The following HTR2C variants were observed in gnomAD, a reference collection of about 807,000 sequenced individuals.
The protein encoded by HTR2C is 5-hydroxytryptamine receptor 2C, also known as 5-hydroxytryptamine (serotonin) receptor 2C, G protein-coupled.
HTR2C carries 5 observed loss-of-function variants against 21.0 expected under a neutral mutation model. The ratio of observed to expected loss-of-function variants is 0.24; its 90% CI spans 0.12 to 0.50. The LOEUF (loss-of-function observed/expected upper bound fraction) is 0.50. HTR2C is among the 20% of genes least tolerant of loss of function. The probability of loss-of-function intolerance (pLI) is 0.98; values close to 1 mark genes in which losing one functional copy is unlikely to be tolerated. For synonymous variants in HTR2C, 150 were observed against 145.3 expected (o/e 1.03, Z -0.23); for missense variants, 271 against 371.2 (o/e 0.73, Z 2.22).
intron 2 of HTR2C, among the ~76,000 whole-genome samples, chrX:114,718,981 T>A (rs1933086854): frequency 3.1e-5 from 1 of 32,442 alleles, no homozygotes; most frequent in African/African-American, 8.0e-5. Flanking sequence ...TTAATATATA[T>A]AATATAATAA....
intron 4 of HTR2C, among the ~76,000 whole-genome samples, chrX:114,773,841 A>G (rs782642809): frequency 1.8e-5 from 2 of 112,091 alleles, no homozygotes; most frequent in African/African-American, 3.2e-5. Context: ...ACAGATATCT[A>G]AATGAAATTA....
intron 2 of HTR2C, among the ~76,000 whole-genome samples, chrX:114,637,279 C>T (rs1379074766): frequency 2.7e-5 from 3 of 111,380 alleles, no homozygotes; most frequent in African/African-American, 9.8e-5. Context: ...TCTGTCTTTT[C>T]AAATATACTG....
chrX:114,819,943 T>C (rs2070616969), intron 4 of HTR2C, among the ~76,000 whole-genome samples: 2 of 111,747 alleles, frequency 1.8e-5, no homozygotes, highest in African/African-American at 6.5e-5. Flanking sequence ...ATGTTTATAA[T>C]CTAATATCTT....
intron 4 of HTR2C, among the ~76,000 whole-genome samples, chrX:114,794,577 C>T (rs1346103747): frequency 1.1e-5 from 1 of 88,899 alleles, no homozygotes; most frequent in African/African-American, 4.3e-5. Context: ...CTTCCTGTGT[C>T]CATGTGTTCT....
chrX:114,905,439 T>C (rs1014133300), intron 5 of HTR2C, among the ~76,000 whole-genome samples: 4 of 111,923 alleles, frequency 3.6e-5, no homozygotes, highest in Non-Finnish European at 5.6e-5. Flanking sequence ...AGACACTCTA[T>C]ACCTGACTAG....
intron 4 of HTR2C, among the ~76,000 whole-genome samples, chrX:114,736,062 G>A (rs958882586): frequency 5.5e-5 from 6 of 109,360 alleles, no homozygotes; most frequent in African/African-American, 1.3e-4. Context: ...GCAGTGAGCC[G>A]AGATCGCGCC....
At chrX:114,840,876 T>C (rs782005727) in intron 4 of HTR2C, among the ~76,000 whole-genome samples, 1 of 111,684 alleles carries the variant, frequency 9.0e-6, no homozygotes, top group African/African-American at 3.3e-5. Context: ...GTCGCCAACC[T>C]AAACAAGAGT....
At chrX:114,587,631 G>A (rs1556390019) in intron 1 of HTR2C, among the ~76,000 whole-genome samples, 1 of 111,800 alleles carries the variant, frequency 8.9e-6, no homozygotes, top group African/African-American at 3.2e-5. Flanking sequence ...TTATTTATTT[G>A]TTAGCATTCT....
intron 2 of HTR2C, among the ~76,000 whole-genome samples, chrX:114,627,824 A>G (rs782516890): frequency 1.2e-4 from 13 of 111,988 alleles, no homozygotes; most frequent in Admixed American, 4.8e-4. Context: ...TTTCTGTTGA[A>G]TAGTTATCTT....
At chrX:114,710,580 G>GA (rs1932877105) in intron 2 of HTR2C, among the ~76,000 whole-genome samples, 2 of 111,620 alleles carry the variant, frequency 1.8e-5, no homozygotes. Context: ...GATTAAATGA[G>GA]AAAAATAGAG....
At chrX:114,701,331 CCT>C (rs1932487730) in intron 2 of HTR2C, among the ~76,000 whole-genome samples, 1 of 111,360 alleles carries the variant, frequency 9.0e-6, no homozygotes, top group East Asian at 2.8e-4. Flanking sequence ...CAGACTGACA[CCT>C]CACATGGCCG....
intron 4 of HTR2C, among the ~76,000 whole-genome samples, chrX:114,802,817 G>A (rs2070363202): frequency 2.0e-5 from 2 of 101,770 alleles, no homozygotes; most frequent in Non-Finnish European, 4.0e-5. Flanking sequence ...TGCCATGCTG[G>A]TGAGTTGCAC....
chrX:114,741,041 ATAGT>A (rs1486875704), intron 4 of HTR2C, among the ~76,000 whole-genome samples: 5 of 111,134 alleles, frequency 4.5e-5, no homozygotes, highest in Admixed American at 9.6e-5. Context: ...GTAGTAGGTG[ATAGT>A]TAGCTAGCTA....
At chrX:114,601,711 A>G (rs1408397308) in intron 1 of HTR2C, among the ~76,000 whole-genome samples, 1 of 108,544 alleles carries the variant, frequency 9.2e-6, no homozygotes, top group Non-Finnish European at 1.9e-5. Flanking sequence ...GCTTGGGCTC[A>G]GAGGCCTGAC....
At chrX:114,771,811 A>T (rs887761758) in intron 4 of HTR2C, among the ~76,000 whole-genome samples, 11 of 112,630 alleles carry the variant, frequency 9.8e-5, no homozygotes, top group Non-Finnish European at 2.1e-4. Flanking sequence ...AACTCTGGAG[A>T]TAAAGCTTTT....
intron 5 of HTR2C, among the ~76,000 whole-genome samples, chrX:114,849,495 A>G (rs1556468604): frequency 8.9e-6 from 1 of 112,587 alleles, no homozygotes; most frequent in Non-Finnish European, 1.9e-5. Context: ...ACTTTTGCCA[A>G]TGATGCATTA....
chrX:114,724,064 G>A (rs1393094484), intron 2 of HTR2C, among the ~76,000 whole-genome samples: 2 of 104,401 alleles, frequency 1.9e-5, no homozygotes, highest in Non-Finnish European at 3.9e-5. Context: ...CAATTCCTGG[G>A]TATCCTTGTT....
At chrX:114,722,192 T>C (rs1451160779) in intron 2 of HTR2C, among the ~76,000 whole-genome samples, 4 of 110,016 alleles carry the variant, frequency 3.6e-5, no homozygotes, top group East Asian at 2.9e-4. Context: ...CTTTTATTTC[T>C]TTGAGCAGTG....
chrX:114,869,316 C>CT (rs1167412345), intron 5 of HTR2C, among the ~76,000 whole-genome samples: 1 of 111,776 alleles, frequency 8.9e-6, no homozygotes, highest in Non-Finnish European at 1.9e-5. Flanking sequence ...GTGCATGTGT[C>CT]TTTATAGTAG....
Sources: gnomAD v4.1 joint callset for allele counts (sites outside exome capture counted in the v4.1 genomes callset) on GRCh38, gnomAD v4.1.1 for gene constraint, MANE v1.5 for transcripts, NCBI Gene and HGNC (gene_info 2026-07-23, HGNC 2026-07-21) for gene names.